Variants in INTS6 observed in about 807,000 individuals in gnomAD.
The protein encoded by INTS6 is DEAD box protein.
In INTS6, 16 loss-of-function variants were observed where a neutral mutation model predicts 104.9. That is an observed-to-expected ratio of 0.15 (90% confidence interval 0.10 to 0.23). INTS6 has a LOEUF of 0.23. INTS6 is among the 10% of genes least tolerant of loss of function. The probability of loss-of-function intolerance (pLI) is 1.00; values close to 1 mark genes in which losing one functional copy is unlikely to be tolerated. For synonymous variants in INTS6, 324 were observed against 358.7 expected (o/e 0.90, Z 1.09); for missense variants, 584 against 1,062.8 (o/e 0.55, Z 6.26).
intron 4 of INTS6, among the ~76,000 whole-genome samples, chr13:51,428,407 C>T (rs528165698): frequency 9.9e-5 from 15 of 151,486 alleles, no homozygotes; most frequent in African/African-American, 3.2e-4. Flanking sequence ...TCACTGCAAC[C>T]TCCACCTCCT....
chr13:51,378,326 G>A lies in INTS6; in HGVS notation c.1515C>T (p.Leu505=). 1 of 1,613,484 alleles carries A rather than the reference G, an allele frequency of 6.2e-7. No individual in the cohort carries two copies. Among genetic ancestry groups the A allele is most frequent in the South Asian group, 1.1e-5 (1 of 91,076 alleles). ...GAGGGACATCCTCTGAAATTCCCTGGAGGAGTTGTTGAAAATCTTTCCTAT... is the reference window on the plus strand; with the variant it reads ...GAGGGACATCCTCTGAAATTCCCTGAAGGAGTTGTTGAAAATCTTTCCTAT... ...MAYRKDFQQL[L]QGISEDVPHR... The change falls in exon 12 of 18, where the codon CTC becomes CTT. Residue 505 remains leucine, a synonymous_variant. Coordinates refer to ENST00000311234, the MANE Select transcript of INTS6 (RefSeq NM_012141.3).
Position 51,411,973 on chromosome 13 carries a change from C to A in INTS6, c.430-16490G>T, listed in dbSNP as rs370669542. 9.9e-5 allele frequency among the ~76,000 whole-genome samples: 15 copies of A among 152,214 alleles called. No homozygotes were observed. The East Asian group carries it at 2.9e-3, about 29-fold the overall frequency. On this transcript the variant is annotated intron_variant, in intron 4 of 17. Coordinates refer to ENST00000311234, the MANE Select transcript of INTS6 (RefSeq NM_012141.3). ...AGCCATACAATGGAATATGGCTCAGCAATAAAAAGAAACAATCTACTGACA... is the reference window on the plus strand; with the variant it reads ...AGCCATACAATGGAATATGGCTCAGAAATAAAAAGAAACAATCTACTGACA...
At chr13:51,360,940 A>G (rs994220773), downstream of INTS6, among the ~76,000 whole-genome samples, 8 of 152,090 alleles carry the variant, frequency 5.3e-5, no homozygotes, top group Admixed American at 1.3e-4. Context: ...TGGCTGAAGG[A>G]GGGATTGTAG....
chr13:51,388,484 C>A (rs557444984), intron 6 of INTS6, among the ~76,000 whole-genome samples: 1 of 152,054 alleles, frequency 6.6e-6, no homozygotes, highest in Admixed American at 6.6e-5. Flanking sequence ...ACCTCCACCT[C>A]CCGGGTTCAA....
chr13:51,449,757 C>T, intron 3 of INTS6: 1 of 985,304 alleles, frequency 1.0e-6, no homozygotes, highest in Non-Finnish European at 1.2e-6. Flanking sequence ...TTTACAGAAA[C>T]AAACCAAAAA....
the INTS6 span, chr13:51,348,079 C>T: frequency 2.0e-5 from 13 of 656,164 alleles, no homozygotes; most frequent in Admixed American, 1.2e-4. Context: ...GGCCTGAAAC[C>T]GCCTCCTGAG....
intron 3 of INTS6, chr13:51,439,014 C>T (rs998238351): frequency 5.3e-5 from 8 of 152,128 alleles, no homozygotes; most frequent in African/African-American, 1.9e-4. Flanking sequence ...CCCAGAATAA[C>T]CAAAAGACTG....
At chr13:51,430,439 A>G in intron 3 of INTS6, 56 bp from the exon 4 acceptor site, 1 of 1,382,768 alleles carries the variant, frequency 7.2e-7, no homozygotes, top group East Asian at 2.3e-5. Context: ...CTTACAAAGT[A>G]AAAAGTCAAT....
Position 51,395,342 on chromosome 13 carries a change from A to G in INTS6, c.571T>C (p.Leu191=). 6.2e-7 allele frequency: 1 copy of G among 1,612,752 alleles called. No individual in the cohort carries two copies. Among genetic ancestry groups the G allele is most frequent in the East Asian group, 2.2e-5 (1 of 44,768 alleles). The change falls in exon 5 of 18, where the codon TTA becomes CTA. Residue 191 remains leucine, a synonymous_variant. Transcript: ENST00000311234. ...VESEQLTGVP[L]DDSAITPMCE... is the part of the protein sequence containing the mutation. ...ATTGGTGTGATTGCAGAGTCATCTA[A>G]AGGCACACCTGTCAACTGTTCTGAT...
intron 3 of INTS6, chr13:51,449,334 C>T (rs1952987693): frequency 3.3e-6 from 1 of 305,024 alleles, no homozygotes; most frequent in Non-Finnish European, 4.8e-6. Context: ...AGCACAGGAC[C>T]ACCTTTCCCG....
intron 6 of INTS6, among the ~76,000 whole-genome samples, chr13:51,388,582 G>A (rs112691895): frequency 0.011 from 1,722 of 152,024 alleles, 26 homozygotes; most frequent in East Asian, 0.07. Context: ...TAGTAGACAC[G>A]GAGTTTCTCC....
intron 12 of INTS6, 40 bp from the exon 13 acceptor site, chr13:51,376,214 A>G: frequency 6.5e-7 from 1 of 1,549,894 alleles, no homozygotes; most frequent in Non-Finnish European, 8.8e-7. Context: ...ATTGTCAAAC[A>G]TAGAATTACA....
intron 3 of INTS6, chr13:51,442,859 C>G (rs961175871): frequency 1.3e-5 from 2 of 152,206 alleles, no homozygotes; most frequent in Non-Finnish European, 2.9e-5. Context: ...GCCAAAGAGG[C>G]TGGGGACCGC....
At chr13:51,371,185 T>C (rs1168440968) in intron 15 of INTS6, among the ~76,000 whole-genome samples, 1 of 152,212 alleles carries the variant, frequency 6.6e-6, no homozygotes, top group Non-Finnish European at 1.5e-5. Flanking sequence ...CATATTCAAG[T>C]CTGAGAAGTG....
chr13:51,410,213 T>C (rs966854555), intron 4 of INTS6, among the ~76,000 whole-genome samples: 5 of 152,168 alleles, frequency 3.3e-5, no homozygotes, highest in Admixed American at 6.5e-5. Flanking sequence ...AGCTTTCTTA[T>C]AAAAACTAAT....
intron 5 of INTS6, among the ~76,000 whole-genome samples, chr13:51,390,842 G>C (rs1220420595): frequency 6.6e-6 from 1 of 152,006 alleles, no homozygotes; most frequent in African/African-American, 2.4e-5. Context: ...GCCTGGCACT[G>C]TTCCAATCAT....
chr13:51,368,767 G>C (rs1955741353), intron 16 of INTS6, among the ~76,000 whole-genome samples, 172 bp downstream of exon 16: 1 of 152,178 alleles, frequency 6.6e-6, no homozygotes, highest in African/African-American at 2.4e-5. Flanking sequence ...CTTGGAAATA[G>C]AAGATATTTG....
At chr13:51,430,124 C>T in intron 4 of INTS6, 170 bp downstream of exon 4, 1 of 532,212 alleles carries the variant, frequency 1.9e-6, no homozygotes, top group Non-Finnish European at 3.3e-6. Flanking sequence ...GATTCTTATT[C>T]AAGAAAATAA....
At chr13:51,397,398 A>G (rs1052744471) in intron 4 of INTS6, among the ~76,000 whole-genome samples, 1 of 152,232 alleles carries the variant, frequency 6.6e-6, no homozygotes, top group Non-Finnish European at 1.5e-5. Context: ...GACTCTGGAC[A>G]GAAGTCATGA....
Sources: allele counts gnomAD v4.1 joint callset (sites outside exome capture counted in the v4.1 genomes callset), GRCh38; gene constraint gnomAD v4.1.1; transcripts MANE v1.5; gene names NCBI Gene and HGNC (gene_info 2026-07-23, HGNC 2026-07-21).